TLK1: variants seen among roughly 807,000 people sequenced by gnomAD.
TLK1 encodes serine/threonine-protein kinase tousled-like 1.
In TLK1, 24 loss-of-function variants were observed where a neutral mutation model predicts 105.3. The ratio of observed to expected loss-of-function variants is 0.23; its 90% CI spans 0.17 to 0.32. The LOEUF is 0.32. Among genes scored for constraint, TLK1 ranks in the 10% least tolerant of loss-of-function variants. The pLI is 1.00. For synonymous variants in TLK1, 321 were observed against 310.4 expected, an observed-to-expected ratio of 1.03 and a Z score of -0.36; for missense variants, 558 against 910.5, an observed-to-expected ratio of 0.61 and a Z score of 4.98.
intron 1 of TLK1, among the ~76,000 whole-genome samples, chr2:171,190,790 T>G (rs1470382119): frequency 6.6e-6 from 1 of 152,248 alleles, no homozygotes; most frequent in Non-Finnish European, 1.5e-5. Context: ...TTGTGATTTT[T>G]AATGGTATTT....
At position 171,129,470 on chromosome 2, in the gene TLK1, G is replaced by C. The variant is rs377413239; in HGVS notation, c.140-11613C>G. Among the ~76,000 whole-genome samples the C allele has an allele frequency of 2.0e-5, 3 of 152,216 alleles. No homozygotes were observed. The East Asian group carries it at 5.8e-4, about 29-fold the overall frequency. ...AAGTAGATCCCTGACCAAAAAGGAG[G>C]CTGCAAGTACTTTTTGTAAGAAGTC... is the stretch of plus-strand genomic sequence containing the variant. On this transcript the variant is annotated intron_variant, in intron 1 of 20. Coordinates refer to ENST00000431350, the MANE Select transcript of TLK1 (RefSeq NM_012290.5).
intron 1 of TLK1, among the ~76,000 whole-genome samples, chr2:171,127,848 C>T (rs1045821822): frequency 6.6e-6 from 1 of 152,084 alleles, no homozygotes; most frequent in Non-Finnish European, 1.5e-5. Context: ...GTTTCTGAGT[C>T]ATATTATCTA....
rs567760681 is a variant in TLK1 at position 171,070,199 on chromosome 2, CA to C, written c.331-9044del. On this transcript the variant is annotated intron_variant, in intron 3 of 20. Transcript: ENST00000431350. ...CCTTTTTAAATTTTTTTTTTTTAAT[CA>C]TTGTGGGTACACAGTAGGTGTATAT... 3.1e-3 allele frequency among the ~76,000 whole-genome samples: 458 copies of C among 149,164 alleles called. 2 individuals are homozygous for C. The highest frequency in any genetic ancestry group is 0.011 in the African/African-American group (440 of 40,890).
intron 1 of TLK1, among the ~76,000 whole-genome samples, chr2:171,210,813 G>A (rs956656183): frequency 5.9e-5 from 9 of 152,164 alleles, no homozygotes; most frequent in Admixed American, 3.9e-4. Flanking sequence ...AGAGAATGCC[G>A]TGAAATGTTG....
intron 1 of TLK1, among the ~76,000 whole-genome samples, chr2:171,157,482 C>G (rs1237498162): frequency 1.3e-5 from 2 of 152,172 alleles, no homozygotes; most frequent in African/African-American, 4.8e-5. Context: ...ACAAGACTGA[C>G]AAGCGAAAAG....
At chr2:171,102,898 AAC>A (rs1689751659) in intron 2 of TLK1, among the ~76,000 whole-genome samples, 1 of 152,172 alleles carries the variant, frequency 6.6e-6, no homozygotes, top group African/African-American at 2.4e-5. Context: ...AATATAAACA[AAC>A]ACATAAATTT....
chr2:171,203,148 T>C (rs1417122825), intron 1 of TLK1, among the ~76,000 whole-genome samples: 1 of 152,218 alleles, frequency 6.6e-6, no homozygotes, highest in East Asian at 1.9e-4. Flanking sequence ...CATGCCCTCT[T>C]GGTGAGAGCA....
At chr2:171,193,457 C>T (rs777049826) in intron 1 of TLK1, among the ~76,000 whole-genome samples, 1 of 149,316 alleles carries the variant, frequency 6.7e-6, no homozygotes, top group East Asian at 1.9e-4. Flanking sequence ...AGTCCAGTGG[C>T]GCGATCTCGG....
chr2:171,035,943 T>C (rs1490905422), intron 11 of TLK1, among the ~76,000 whole-genome samples: 2 of 152,214 alleles, frequency 1.3e-5, no homozygotes, highest in Non-Finnish European at 2.9e-5. Context: ...TTAGCCCAAA[T>C]GAAACCCATT....
intron 1 of TLK1, among the ~76,000 whole-genome samples, chr2:171,137,895 T>C (rs1168321886): frequency 2.0e-5 from 3 of 151,420 alleles, no homozygotes; most frequent in African/African-American, 7.3e-5. Flanking sequence ...AAAAAAAAAC[T>C]TTCATTAGTT....
intron 1 of TLK1, among the ~76,000 whole-genome samples, chr2:171,134,056 T>C (rs1040488974): frequency 2.0e-5 from 3 of 152,182 alleles, no homozygotes; most frequent in African/African-American, 4.8e-5. Flanking sequence ...TTCAAGTTTT[T>C]TTCTTCCTCA....
chr2:171,095,312 G>GA (rs1013038726), intron 2 of TLK1, among the ~76,000 whole-genome samples: 16 of 147,904 alleles, frequency 1.1e-4, no homozygotes, highest in Admixed American at 2.0e-4. Context: ...AAAAACAATA[G>GA]AAAAAAAAAC....
intron 3 of TLK1, among the ~76,000 whole-genome samples, chr2:171,069,668 T>C (rs1688163444): frequency 6.6e-6 from 1 of 152,322 alleles, no homozygotes; most frequent in Admixed American, 6.5e-5. Context: ...TCATTTGTAG[T>C]TGGTACATAA....
At chr2:171,154,109 A>G (rs1038239881) in intron 1 of TLK1, among the ~76,000 whole-genome samples, 19 of 151,294 alleles carry the variant, frequency 1.3e-4, no homozygotes, top group Admixed American at 8.6e-4. Context: ...GGCTAGTCTC[A>G]AACTCCTGGA....
chr2:171,056,653 T>A, intron 5 of TLK1, 87 bp from the exon 6 acceptor site: 1 of 1,048,006 alleles, frequency 9.5e-7, no homozygotes, highest in Non-Finnish European at 1.4e-6. Flanking sequence ...TTAATCTAAA[T>A]ATACCTAATT....
chr2:171,147,881 G>T (rs1201513243), intron 1 of TLK1, among the ~76,000 whole-genome samples: 1 of 151,686 alleles, frequency 6.6e-6, no homozygotes, highest in Non-Finnish European at 1.5e-5. Flanking sequence ...ACTTTGTATT[G>T]GTATGCAGTC....
intron 1 of TLK1, chr2:171,159,892 G>C (rs1692390084): frequency 6.0e-6 from 1 of 167,128 alleles, no homozygotes; most frequent in Non-Finnish European, 1.3e-5. Context: ...GAAGGCTCCA[G>C]CGGGAGGGAA....
intron 6 of TLK1, 74 bp from the exon 7 acceptor site, chr2:171,055,246 T>A: frequency 1.2e-6 from 1 of 847,590 alleles, no homozygotes; most frequent in Non-Finnish European, 1.7e-6. Context: ...GATTTCTAAT[T>A]AGCAACAATT....
Position 171,028,410 on chromosome 2 carries a change from C to T in TLK1, c.1170-5G>A. 1.9e-6 allele frequency: 3 copies of T among 1,596,034 alleles called. No homozygotes were observed. The highest frequency in any genetic ancestry group is 2.6e-6 in the Non-Finnish European group (3 of 1,165,878). On this transcript the variant is annotated splice_polypyrimidine_tract_variant and splice_region_variant and intron_variant, in intron 11 of 20. Coordinates refer to ENST00000431350, the MANE Select transcript of TLK1 (RefSeq NM_012290.5). ...TGATATTCTGCCAAAGTCAACCTGTCAAAAATGAAATTTTAATTCTACATA... is the reference window on the plus strand; with the variant it reads ...TGATATTCTGCCAAAGTCAACCTGTTAAAAATGAAATTTTAATTCTACATA...
Sources: gnomAD v4.1 joint callset for allele counts (sites outside exome capture counted in the v4.1 genomes callset) on GRCh38, gnomAD v4.1.1 for gene constraint, MANE v1.5 for transcripts, NCBI Gene and HGNC (gene_info 2026-07-23, HGNC 2026-07-21) for gene names.